Variants in CCL7 observed in about 807,000 individuals in gnomAD.
The protein encoded by CCL7 is C-C motif chemokine 7.
A neutral mutation model predicts 7.1 loss-of-function variants in CCL7; 8 were observed. That is an observed-to-expected ratio of 1.13 (90% confidence interval 0.66 to 2.04). The LOEUF (loss-of-function observed/expected upper bound fraction) is 2.04. CCL7 is among the 30% of genes most tolerant of loss of function. The pLI is 0.00. For missense variants in CCL7, 134 were observed against 113.6 expected, an observed-to-expected ratio of 1.18 and a Z score of -0.82; for synonymous variants, 46 against 41.2, an observed-to-expected ratio of 1.12 and a Z score of -0.45.
At chr17:34,271,072 C>A in intron 1 of CCL7, 74 bp from the exon 2 acceptor site, 1 of 1,599,894 alleles carries the variant, frequency 6.3e-7, no homozygotes, top group East Asian at 2.2e-5. Context: ...TTCTTCTTAC[C>A]ATTCCCTGTT....
At chr17:34,271,355 C>A in intron 2 of CCL7, 92 bp downstream of exon 2, 2 of 993,436 alleles carry the variant, frequency 2.0e-6, no homozygotes, top group Non-Finnish European at 3.1e-6. Flanking sequence ...GAGTTGGAGT[C>A]AAATACTGTG....
At chr17:34,271,024 C>T (rs567125726) in intron 1 of CCL7, 122 bp from the exon 2 acceptor site, 1 of 1,548,824 alleles carries the variant, frequency 6.5e-7, no homozygotes, top group African/African-American at 1.4e-5. Flanking sequence ...TTGGGATGGG[C>T]AGCTTTTCCC....
Position 34,271,150 on chromosome 17 carries a change from G to C in CCL7, c.81G>C (p.Gly27=), listed in dbSNP as rs746165582. The C allele has an allele frequency of 2.5e-6, 4 of 1,613,938 alleles. No homozygotes were observed. The highest frequency in any genetic ancestry group is 3.3e-5 in the Admixed American group (2 of 59,988). Residue 27 remains glycine, a synonymous_variant, in exon 2 of 3, where the codon GGG becomes GGC. Transcript: ENST00000378569. The stretch of plus-strand genomic sequence containing the variant: ...CTTCTTGTTGTTTCATTGCAGTTGG[G>C]ATTAATACTTCAACTACCTGCTGCT... ...FSPQGLAQPV[G]INTSTTCCYR...
At chr17:34,271,661 G>T in intron 2 of CCL7, 36 bp from the exon 3 acceptor site, 2 of 1,375,312 alleles carry the variant, frequency 1.5e-6, no homozygotes, top group Non-Finnish European at 2.1e-6. Context: ...GAACCCTCAA[G>T]GTGTTCCATC....
Position 34,271,726 on chromosome 17 carries a change from G to A in CCL7, c.224G>A (p.Cys75Tyr), listed in dbSNP as rs1908174061. ...AAGACCAAACTGGACAAGGAGATCT[G>A]TGCTGACCCCACACAGAAGTGGGTC... is the stretch of plus-strand genomic sequence containing the variant. ...IFKTKLDKEICADPTQKWVQD... is the reference protein window; with the variant it reads ...IFKTKLDKEIYADPTQKWVQD... Residue 75 changes from cysteine (C) to tyrosine (Y), a missense_variant, in exon 3 of 3, where the codon TGT becomes TAT. By Grantham distance (194) the Cys-to-Tyr change is radical (BLOSUM62 -2). Transcript: ENST00000378569. The A allele has an allele frequency of 6.2e-7, 1 of 1,612,730 alleles. No individual in the cohort carries two copies. The highest frequency in any genetic ancestry group is 8.5e-7 in the Non-Finnish European group (1 of 1,179,656).
At position 34,270,317 on chromosome 17, in the gene CCL7, T is replaced by G; in HGVS notation, c.27T>G (p.Cys9Trp). The stretch of plus-strand genomic sequence containing the variant: ...TGAAAGCCTCTGCAGCACTTCTGTG[T>G]CTGCTGCTCACAGCAGCTGCTTTCA... MKASAALL[C>W]LLLTAAAFSP... Residue 9 changes from cysteine (C) to tryptophan (W), a missense_variant, in exon 1 of 3, where the codon TGT becomes TGG. Cys to Trp is a radical substitution (Grantham distance 215, BLOSUM62 -2). Transcript: ENST00000378569. The G allele has an allele frequency of 6.2e-7, 1 of 1,614,196 alleles. No individual in the cohort carries two copies. Among genetic ancestry groups the G allele is most frequent in the Admixed American group, 1.7e-5 (1 of 60,026 alleles).
In CCL7 at chr17:34,271,677, G is replaced by A; in HGVS notation, c.195-20G>A. 6.5e-7 allele frequency: 1 copy of A among 1,538,892 alleles called. No individual in the cohort carries two copies. The highest frequency in any genetic ancestry group is 8.9e-7 in the Non-Finnish European group (1 of 1,119,130). ...AACCCTCAAGGTGTTCCATCTGACT[G>A]TCTCCTTTCTGCTCCACAGCTTCAA... On this transcript the variant is annotated intron_variant, in intron 2 of 2. Coordinates refer to ENST00000378569, the MANE Select transcript of CCL7 (RefSeq NM_006273.4).
At position 34,270,245 on chromosome 17, in the gene CCL7, G is replaced by A. The variant is rs779997864; in HGVS notation, c.-46G>A. On this transcript the variant is annotated 5_prime_UTR_variant, in exon 1 of 3. Coordinates refer to ENST00000378569, the MANE Select transcript of CCL7 (RefSeq NM_006273.4). ...GAGCAGAGGGGCTGAGACCAAACCA[G>A]AAACCTCCAATTCTCATGTGGAAGC... 5.0e-6 allele frequency: 8 copies of A among 1,594,072 alleles called. No individual in the cohort carries two copies. The South Asian group carries it at 8.8e-5, about 18-fold the overall frequency.
At chr17:34,270,454 C>A (rs1336872360) in intron 1 of CCL7, 88 bp downstream of exon 1, 2 of 1,014,090 alleles carry the variant, frequency 2.0e-6, no homozygotes, top group East Asian at 4.9e-5. Flanking sequence ...TACCCACAGT[C>A]TCACTTTAAC....
chr17:34,271,327 T>TAGG (rs1908150875), intron 2 of CCL7, 64 bp downstream of exon 2: 1 of 1,283,652 alleles, frequency 7.8e-7, no homozygotes, highest in African/African-American at 1.5e-5. Flanking sequence ...GGGCAGGGAA[T>TAGG]AGGACTAGTA....
At position 34,272,027 on chromosome 17, in the gene CCL7, A is replaced by G; in HGVS notation, c.*225A>G. On this transcript the variant is annotated 3_prime_UTR_variant, in exon 3 of 3. Transcript: ENST00000378569. The stretch of plus-strand genomic sequence containing the variant: ...GTGGGTTTTGAACATAAAGCCTTGG[A>G]TGTATATGTCATCTCAGTGCTGTAA... The G allele has an allele frequency of 4.6e-6, 2 of 437,792 alleles. No individual in the cohort carries two copies. The highest frequency in any genetic ancestry group is 5.3e-5 in the South Asian group (2 of 37,652). The allele number at this position is 437,792 out of a possible 1,614,324, so 27.1% of individuals were successfully genotyped here. A position where few individuals can be genotyped will look rare whatever the true frequency, so the allele number is the denominator to read the frequency against.
chr17:34,271,090 C>G, intron 1 of CCL7, 56 bp from the exon 2 acceptor site: 1 of 1,608,162 alleles, frequency 6.2e-7, no homozygotes, highest in Non-Finnish European at 8.5e-7. Context: ...GTTTTACAAA[C>G]AGAAAGACCC....
At position 34,271,948 on chromosome 17, in the gene CCL7, C is replaced by T; in HGVS notation, c.*146C>T. The T allele has an allele frequency of 1.7e-6, 1 of 590,406 alleles. No homozygotes were observed. The allele number at this position is 590,406 out of a possible 1,614,324, so 36.6% of individuals were successfully genotyped here. A position where few individuals can be genotyped will look rare whatever the true frequency, so the allele number is the denominator to read the frequency against. On this transcript the variant is annotated 3_prime_UTR_variant, in exon 3 of 3. Transcript: ENST00000378569. ...TGTAATAATGTGAATCATGGTTTTT[C>T]TTAGTAGATTTTAAAAGTTATTAAT...
chr17:34,271,165 T>C lies in CCL7; in HGVS notation c.96T>C (p.Thr32=), dbSNP rs749826538. The change falls in exon 2 of 3, where the codon ACT becomes ACC. Residue 32 remains threonine, a synonymous_variant. Coordinates refer to ENST00000378569, the MANE Select transcript of CCL7 (RefSeq NM_006273.4). ...TTGCAGTTGGGATTAATACTTCAAC[T>C]ACCTGCTGCTACAGATTTATCAATA... ...LAQPVGINTS[T]TCCYRFINKK... 28 of 1,614,004 alleles carry C rather than the reference T, an allele frequency of 1.7e-5. No homozygotes were observed. Among genetic ancestry groups the C allele is most frequent in the Non-Finnish European group, 2.4e-5 (28 of 1,180,026 alleles).
In CCL7 at chr17:34,270,376, C is replaced by G. The variant is rs1210174026; in HGVS notation, c.76+10C>G. 3 of 1,612,204 alleles carry G rather than the reference C, an allele frequency of 1.9e-6. No homozygotes were observed. Among genetic ancestry groups the G allele is most frequent in the Non-Finnish European group, 2.5e-6 (3 of 1,178,310 alleles). On this transcript the variant is annotated intron_variant, in intron 1 of 2. Coordinates refer to ENST00000378569, the MANE Select transcript of CCL7 (RefSeq NM_006273.4). The stretch of plus-strand genomic sequence containing the variant: ...GGGCTTGCTCAGCCAGGTAAGGTCC[C>G]TCTCTCCTTCTCCTTGAAGCACATT...
chr17:34,271,673 G>C (rs765881607), intron 2 of CCL7, 24 bp from the exon 3 acceptor site: 1 of 1,514,778 alleles, frequency 6.6e-7, no homozygotes, highest in Admixed American at 1.8e-5. Context: ...TGTTCCATCT[G>C]ACTGTCTCCT....
At chr17:34,271,385 C>A (rs1908154335) in intron 2 of CCL7, 122 bp downstream of exon 2, 1 of 793,824 alleles carries the variant, frequency 1.3e-6, no homozygotes, top group Non-Finnish European at 2.1e-6. Context: ...GCATCTCTAA[C>A]CTTATCCCAG....
intron 1 of CCL7, 129 bp downstream of exon 1, chr17:34,270,495 A>C (rs1598087712): frequency 2.7e-6 from 2 of 753,554 alleles, no homozygotes; most frequent in East Asian, 5.4e-5. Context: ...GTAACTTAGA[A>C]AAAGGATAAG....
chr17:34,270,960 C>G, intron 1 of CCL7, 186 bp from the exon 2 acceptor site: 1 of 1,266,554 alleles, frequency 7.9e-7, no homozygotes, highest in Admixed American at 2.8e-5. Context: ...ATTTCACAGT[C>G]CATAAAAGTG....
Sources: gnomAD v4.1 joint callset for allele counts on GRCh38, gnomAD v4.1.1 for gene constraint, MANE v1.5 for transcripts, NCBI Gene and HGNC (gene_info 2026-07-23, HGNC 2026-07-21) for gene names.